The following IGFBP7 variants were observed in gnomAD, a reference collection of about 807,000 sequenced individuals.
IGFBP7 encodes the protein insulin-like growth factor-binding protein 7.
IGFBP7 carries 31 observed loss-of-function variants against 29.4 expected under a neutral mutation model. The observed-to-expected ratio is 1.05, with a 90% CI of 0.79 to 1.42. The LOEUF (loss-of-function observed/expected upper bound fraction) is 1.42. Among genes scored for constraint, IGFBP7 ranks in the 40% most tolerant of loss-of-function variants. IGFBP7 has a pLI of 0.00. For synonymous variants in IGFBP7, 172 were observed against 174.9 expected (o/e 0.98, Z 0.13); for missense variants, 393 against 395.5 (o/e 0.99, Z 0.05).
intron 1 of IGFBP7, among the ~76,000 whole-genome samples, chr4:57,063,509 G>C (rs895968275): frequency 2.6e-5 from 4 of 152,166 alleles, no homozygotes; most frequent in African/African-American, 9.7e-5. Context: ...TCCTATGAAG[G>C]TTTAAATAAC....
chr4:57,077,292 G>C (rs934879797), intron 1 of IGFBP7, among the ~76,000 whole-genome samples: 3 of 152,068 alleles, frequency 2.0e-5, no homozygotes, highest in African/African-American at 7.2e-5. Flanking sequence ...TTTATTTATT[G>C]AGACAGAGTC....
At chr4:57,094,960 C>A (rs1357591892) in intron 1 of IGFBP7, among the ~76,000 whole-genome samples, 1 of 152,262 alleles carries the variant, frequency 6.6e-6, no homozygotes, top group Non-Finnish European at 1.5e-5. Flanking sequence ...CTAGTTTCAG[C>A]TGTCACACTA....
chr4:57,104,619 G>A (rs968537589), intron 1 of IGFBP7, among the ~76,000 whole-genome samples: 2 of 152,182 alleles, frequency 1.3e-5, no homozygotes, highest in African/African-American at 4.8e-5. Flanking sequence ...TCAAAGAATG[G>A]AGGTTTAAAA....
rs73242641 is a variant in IGFBP7, at chr4:57,088,398, C to T, written c.475+21479G>A. Reference sequence around the variant, plus strand: ...TAAGTATATAAAAATATTGAGGTTCCGACCAGTTTGGGCAAGAACAGCCCT... The same window carrying T: ...TAAGTATATAAAAATATTGAGGTTCTGACCAGTTTGGGCAAGAACAGCCCT... On this transcript the variant is annotated intron_variant, in intron 1 of 4. Transcript: ENST00000295666. 5.5e-4 allele frequency among the ~76,000 whole-genome samples: 84 copies of T among 152,194 alleles called. 1 individual carries two copies. Among genetic ancestry groups the T allele is most frequent in the South Asian group, 4.4e-3 (21 of 4,822 alleles).
At chr4:57,051,775 C>A (rs1199885278) in intron 1 of IGFBP7, among the ~76,000 whole-genome samples, 1 of 152,190 alleles carries the variant, frequency 6.6e-6, no homozygotes, top group Non-Finnish European at 1.5e-5. Context: ...ATGATAGTAT[C>A]CCAGTCATTA....
intron 1 of IGFBP7, among the ~76,000 whole-genome samples, chr4:57,100,067 C>CTTTT (rs1168409479): frequency 5.3e-5 from 3 of 56,284 alleles, no homozygotes; most frequent in Non-Finnish European, 7.0e-5. Context: ...TTTTTCTTTT[C>CTTTT]TTTCTTTTTT....
chr4:57,061,934 A>T (rs1724809838), intron 1 of IGFBP7, among the ~76,000 whole-genome samples: 1 of 152,138 alleles, frequency 6.6e-6, no homozygotes, highest in African/African-American at 2.4e-5. Flanking sequence ...AAGTGCTGGG[A>T]TTACAGCTGT....
At chr4:57,061,943 G>A (rs984837765) in intron 1 of IGFBP7, among the ~76,000 whole-genome samples, 5 of 152,156 alleles carry the variant, frequency 3.3e-5, no homozygotes, top group Admixed American at 6.6e-5. Flanking sequence ...GATTACAGCT[G>A]TGAACCACAG....
At chr4:57,040,132 T>C (rs1179861241) in intron 2 of IGFBP7, among the ~76,000 whole-genome samples, 3 of 152,170 alleles carry the variant, frequency 2.0e-5, no homozygotes, top group African/African-American at 7.2e-5. Flanking sequence ...CTTATGGTTC[T>C]ACAGCCTTGG....
At chr4:57,087,164 C>A (rs1035052094) in intron 1 of IGFBP7, among the ~76,000 whole-genome samples, 4 of 152,354 alleles carry the variant, frequency 2.6e-5, no homozygotes, top group African/African-American at 9.6e-5. Context: ...AGGATGGCAC[C>A]TGACACATAG....
intron 1 of IGFBP7, among the ~76,000 whole-genome samples, chr4:57,073,747 C>G (rs1725121946): frequency 6.6e-6 from 1 of 152,174 alleles, no homozygotes; most frequent in East Asian, 1.9e-4. Context: ...GGCCAGGCTA[C>G]AAGCCAACCC....
intron 1 of IGFBP7, among the ~76,000 whole-genome samples, chr4:57,081,651 G>C (rs1011691805): frequency 1.3e-5 from 2 of 151,926 alleles, no homozygotes; most frequent in African/African-American, 4.8e-5. Flanking sequence ...ACAAGCAGAA[G>C]CTGAGCAAGG....
chr4:57,100,544 T>C (rs1725872303), intron 1 of IGFBP7, among the ~76,000 whole-genome samples: 1 of 152,260 alleles, frequency 6.6e-6, no homozygotes, highest in South Asian at 2.1e-4. Flanking sequence ...TGACATAAAC[T>C]TTGTTATCAT....
In IGFBP7 at chr4:57,072,837, C is replaced by T; in HGVS notation, c.476-31904G>A. 6 of 595,672 alleles carry T rather than the reference C, an allele frequency of 1.0e-5. 1 individual carries two copies. The highest frequency in any genetic ancestry group is 8.4e-5 in the South Asian group (6 of 71,328). The allele number at this position is 595,672 out of a possible 1,614,324, so 36.9% of individuals were successfully genotyped here. A position where few individuals can be genotyped will look rare whatever the true frequency, so the allele number is the denominator to read the frequency against. ...TATGAAGACCTGAGGTATAAGCTCT[C>T]CCTAGAGCTCCCCAGGGGCTACCCT... On this transcript the variant is annotated intron_variant, in intron 1 of 4. Coordinates refer to ENST00000295666, the MANE Select transcript of IGFBP7 (RefSeq NM_001553.3).
At chr4:57,032,346 G>C in intron 4 of IGFBP7, 80 bp downstream of exon 4, 1 of 1,560,542 alleles carries the variant, frequency 6.4e-7, no homozygotes, top group Non-Finnish European at 8.7e-7. Context: ...AGCTACGTCT[G>C]ATACTTTCAT....
At chr4:57,107,606 C>G (rs996023983) in intron 1 of IGFBP7, among the ~76,000 whole-genome samples, 5 of 152,238 alleles carry the variant, frequency 3.3e-5, no homozygotes, top group African/African-American at 4.8e-5. Flanking sequence ...CTCTTCTGCT[C>G]TCTTTGGCAT....
chr4:57,056,644 C>T (rs1275058279), intron 1 of IGFBP7, among the ~76,000 whole-genome samples: 15 of 152,238 alleles, frequency 9.9e-5, no homozygotes, highest in Non-Finnish European at 4.4e-5. Context: ...AGGAATTTAC[C>T]ATTTAGCAAG....
intron 1 of IGFBP7, among the ~76,000 whole-genome samples, chr4:57,093,192 A>T (rs1207438687): frequency 6.6e-6 from 1 of 152,232 alleles, no homozygotes; most frequent in Non-Finnish European, 1.5e-5. Flanking sequence ...ATTAACAAGG[A>T]TATGTAAGTT....
At chr4:57,044,082 G>A (rs778314811) in intron 1 of IGFBP7, among the ~76,000 whole-genome samples, 3 of 152,202 alleles carry the variant, frequency 2.0e-5, no homozygotes, top group Non-Finnish European at 2.9e-5. Context: ...GGGGGAGCTC[G>A]GGAACAAAGC....
Sources: gnomAD v4.1 joint callset for allele counts (sites outside exome capture counted in the v4.1 genomes callset) on GRCh38, gnomAD v4.1.1 for gene constraint, MANE v1.5 for transcripts, NCBI Gene and HGNC (gene_info 2026-07-23, HGNC 2026-07-21) for gene names.